The following PAXBP1 variants were observed in gnomAD, a reference collection of about 807,000 sequenced individuals.
PAXBP1 encodes the protein PAX3- and PAX7-binding protein 1.
A neutral mutation model predicts 119.9 loss-of-function variants in PAXBP1; 44 were observed. That is an observed-to-expected ratio of 0.37 (90% CI 0.29 to 0.47). The LOEUF is 0.47. PAXBP1 is among the 20% of genes least tolerant of loss of function. The probability of loss-of-function intolerance (pLI) is 0.99; values close to 1 mark genes in which losing one functional copy is unlikely to be tolerated. For synonymous variants in PAXBP1, 393 were observed against 406.6 expected (o/e 0.97, Z 0.40); for missense variants, 898 against 1,134.1 (o/e 0.79, Z 2.99).
rs765157356 is a variant in PAXBP1 at position 32,755,403 on chromosome 21, T to G, written c.1384-50A>C. 12 of 1,590,624 alleles carry G rather than the reference T, an allele frequency of 7.5e-6. No individual in the cohort carries two copies. In the Admixed American group the frequency reaches 1.7e-4, roughly 22 times the overall value. On this transcript the variant is annotated intron_variant, in intron 7 of 17. Coordinates refer to ENST00000331923, the MANE Select transcript of PAXBP1 (RefSeq NM_016631.4). ...AACACCAAACTCCTCAGCTGCTTAT[T>G]TATTTGAGGGTTCCATACTATTTCC...
intron 7 of PAXBP1, among the ~76,000 whole-genome samples, chr21:32,757,268 C>G (rs75157336): frequency 0.01 from 1,576 of 152,148 alleles, 14 homozygotes; most frequent in Admixed American, 0.016. Flanking sequence ...TTTATATTAT[C>G]AACTCAGCAG....
intron 7 of PAXBP1, chr21:32,756,537 C>T: frequency 2.8e-6 from 1 of 356,826 alleles, no homozygotes; most frequent in Non-Finnish European, 5.4e-6. Context: ...CAACAATGTC[C>T]CCAAATCTGT....
intron 15 of PAXBP1, among the ~76,000 whole-genome samples, chr21:32,741,043 T>C (rs569881372): frequency 2.9e-4 from 44 of 152,294 alleles, no homozygotes; most frequent in African/African-American, 1.0e-3. Flanking sequence ...TTGCACCCTG[T>C]AGAATGACTT....
chr21:32,756,428 T>C, intron 7 of PAXBP1: 1 of 491,474 alleles, frequency 2.0e-6, no homozygotes, highest in South Asian at 1.6e-5. Flanking sequence ...ATAAAAGCAA[T>C]TTTATATACT....
Position 32,756,607 on chromosome 21 carries a change from A to AT in PAXBP1, c.1384-1255dup, listed in dbSNP as rs201548004. The stretch of plus-strand genomic sequence containing the variant: ...TATCATTAAAATTTATTATAATCTG[A>AT]TTTTTTTTTAGCAATTACTGCCACA... On this transcript the variant is annotated intron_variant, in intron 7 of 17. Coordinates refer to ENST00000331923, the MANE Select transcript of PAXBP1 (RefSeq NM_016631.4). 1,620 of 250,912 alleles carry AT rather than the reference A, an allele frequency of 6.5e-3. 25 individuals are homozygous for AT. Among genetic ancestry groups the AT allele is most frequent in the African/African-American group, 0.033 (1,393 of 41,616 alleles). 15.5% of individuals were successfully genotyped at this position (250,912 alleles called of 1,614,324 possible).
intron 8 of PAXBP1, among the ~76,000 whole-genome samples, chr21:32,752,612 A>G (rs556020537): frequency 6.6e-6 from 1 of 152,342 alleles, no homozygotes; most frequent in South Asian, 2.1e-4. Context: ...ACTTCAGAAT[A>G]TCCTAATTAT....
intron 7 of PAXBP1, among the ~76,000 whole-genome samples, chr21:32,758,381 C>A: frequency 6.6e-6 from 1 of 150,478 alleles, no homozygotes. Context: ...AGTGCCTCAA[C>A]CAATACTTTT....
intron 13 of PAXBP1, 78 bp downstream of exon 13, chr21:32,744,714 C>T (rs1601589023): frequency 1.4e-6 from 2 of 1,399,068 alleles, no homozygotes; most frequent in East Asian, 5.1e-5. Flanking sequence ...TTTAGGATAA[C>T]CACTCATTCT....
intron 1 of PAXBP1, 35 bp downstream of exon 1, chr21:32,771,291 C>T: frequency 1.3e-6 from 2 of 1,530,788 alleles, no homozygotes; most frequent in East Asian, 2.6e-5. Flanking sequence ...GTCGGGGATG[C>T]GGCCGTCTAA....
rs759141904 is a variant in PAXBP1, at chr21:32,759,150, C to T, written c.1313G>A (p.Gly438Asp). Residue 438 changes from glycine (G) to aspartate (D), a missense_variant, in exon 7 of 18, where the codon GGT becomes GAT. Transcript: ENST00000331923. ...ERLEGSSGGIGERYKFLQEMR... is the reference protein window; with the variant it reads ...ERLEGSSGGIDERYKFLQEMR... ...TTCTTGCAAAAATTTATACCGTTCACCAATACCCCCAGAAGACCCTTCTAA... is the reference window on the plus strand; with the variant it reads ...TTCTTGCAAAAATTTATACCGTTCATCAATACCCCCAGAAGACCCTTCTAA... The T allele has an allele frequency of 3.7e-6, 6 of 1,613,946 alleles. No homozygotes were observed. In the African/African-American group the frequency reaches 4.0e-5, roughly 11 times the overall value.
intron 7 of PAXBP1, among the ~76,000 whole-genome samples, chr21:32,757,044 A>C (rs990516952): frequency 5.3e-5 from 8 of 152,204 alleles, no homozygotes; most frequent in Non-Finnish European, 1.2e-4. Context: ...AGTTAAGGCA[A>C]AGAACCCAAG....
In PAXBP1 at chr21:32,761,794, C is replaced by T. The variant is rs527255738; in HGVS notation, c.871+302G>A. ...GCTCATGCCTGTAATCCCAGCACTT[C>T]GGGAGGCCAAGGCAGGAGGATCTCT... On this transcript the variant is annotated intron_variant, in intron 4 of 17. Coordinates refer to ENST00000331923, the MANE Select transcript of PAXBP1 (RefSeq NM_016631.4). 1.5e-4 allele frequency among the ~76,000 whole-genome samples: 23 copies of T among 151,908 alleles called. 2 individuals are homozygous for T. The South Asian group carries it at 4.0e-3, about 26-fold the overall frequency.
At chr21:32,744,698 G>T in intron 13 of PAXBP1, 94 bp downstream of exon 13, 1 of 1,263,004 alleles carries the variant, frequency 7.9e-7, no homozygotes. Context: ...CCAGATTTCT[G>T]ATTGGTTTAG....
Position 32,771,589 on chromosome 21 carries a change from T to A in PAXBP1, c.80A>T (p.Gln27Leu). Residue 27 changes from glutamine (Q) to leucine (L), a missense_variant, in exon 1 of 18, where the codon CAG becomes CTG. Gln to Leu is a moderately radical substitution (Grantham distance 113, BLOSUM62 -2). This residue lies in a region of PAXBP1 where 299 missense variants were observed against 281.4 expected (regional missense o/e 1.06). Coordinates refer to ENST00000331923, the MANE Select transcript of PAXBP1 (RefSeq NM_016631.4). The stretch of plus-strand genomic sequence containing the variant: ...CGGCGGCAACAACGGCGGCGGCTCC[T>A]GCTCCTCATCGCGTTCCCGCTCTTC... ...EEEERERDEEQEPPPLLPPPG... is the reference protein window; with the variant it reads ...EEEERERDEELEPPPLLPPPG... 1 of 1,461,524 alleles carries A rather than the reference T, an allele frequency of 6.8e-7. No individual in the cohort carries two copies. The highest frequency in any genetic ancestry group is 9.0e-7 in the Non-Finnish European group (1 of 1,112,106). The allele number at this position is 1,461,524 out of a possible 1,614,324, so 90.5% of individuals were successfully genotyped here.
At chr21:32,746,916 C>T (rs1330920204) in intron 11 of PAXBP1, among the ~76,000 whole-genome samples, 2 of 152,162 alleles carry the variant, frequency 1.3e-5, no homozygotes, top group East Asian at 1.9e-4. Flanking sequence ...TAAAAAGGAA[C>T]GAGGTCATGT....
rs200134558 is a variant in PAXBP1, at chr21:32,742,849, A to C, written c.2334+399T>G. The C allele has an allele frequency of 2.7e-5, 9 of 330,156 alleles. No individual in the cohort carries two copies. In the East Asian group the frequency reaches 3.9e-4, roughly 14 times the overall value. 20.5% of individuals were successfully genotyped at this position (330,156 alleles called of 1,614,324 possible). A position where few individuals can be genotyped will look rare whatever the true frequency, so the allele number is the denominator to read the frequency against. On this transcript the variant is annotated intron_variant, in intron 15 of 17. Transcript: ENST00000331923. ...TCTTACTGTGCCTAATTTATAAGTT[A>C]AACTTTATCATAGGTATGTATGTAG...
chr21:32,745,937 G>C (rs1398733513), intron 11 of PAXBP1, among the ~76,000 whole-genome samples: 2 of 152,154 alleles, frequency 1.3e-5, no homozygotes, highest in African/African-American at 4.8e-5. Context: ...CAATGGAACA[G>C]AATAGAGAAC....
chr21:32,743,377 C>A, intron 14 of PAXBP1, 63 bp from the exon 15 acceptor site: 2 of 1,130,216 alleles, frequency 1.8e-6, no homozygotes, highest in South Asian at 1.6e-5. Flanking sequence ...CCATATGATT[C>A]CTGGACAAAA....
At chr21:32,743,618 T>A (rs2043823125) in intron 14 of PAXBP1, 60 bp downstream of exon 14, 1 of 1,288,462 alleles carries the variant, frequency 7.8e-7, no homozygotes, top group Non-Finnish European at 1.1e-6. Flanking sequence ...CAGAATTTTA[T>A]AAGCCTTCTC....
Sources: allele counts gnomAD v4.1 joint callset (sites outside exome capture counted in the v4.1 genomes callset), GRCh38; gene constraint gnomAD v4.1.1; regional missense constraint gnomAD v4.1.1; transcripts MANE v1.5; gene names NCBI Gene and HGNC (gene_info 2026-07-23, HGNC 2026-07-21).